GTF2F2: variants seen among roughly 807,000 people sequenced by gnomAD.
GTF2F2 encodes the protein ATP-dependent helicase GTF2F2.
Under a neutral mutation model 42.2 loss-of-function variants are expected in GTF2F2, and 23 were observed. The observed-to-expected ratio is 0.55, with a 90% CI of 0.39 to 0.77. GTF2F2 has a LOEUF of 0.77. Ranked by LOEUF, GTF2F2 falls within the 30% of genes least tolerant of loss-of-function variation. The pLI, the probability that GTF2F2 is intolerant of heterozygous loss-of-function variation, is 0.00. For missense variants in GTF2F2, 261 were observed against 287.2 expected, an observed-to-expected ratio of 0.91 and a Z score of 0.66; for synonymous variants, 105 against 100.8, an observed-to-expected ratio of 1.04 and a Z score of -0.25.
intron 5 of GTF2F2, among the ~76,000 whole-genome samples, chr13:45,235,838 C>T (rs747779334): frequency 1.3e-5 from 2 of 152,090 alleles, no homozygotes; most frequent in Non-Finnish European, 2.9e-5. Flanking sequence ...CTCCTGACCT[C>T]AGGTGATCGG....
At chr13:45,142,503 A>G (rs1869977800) in intron 2 of GTF2F2, among the ~76,000 whole-genome samples, 1 of 152,114 alleles carries the variant, frequency 6.6e-6, no homozygotes, top group Admixed American at 6.6e-5. Context: ...AGTGGTTTTT[A>G]CCTATGCCAA....
At chr13:45,160,018 A>G (rs1025321255) in intron 4 of GTF2F2, among the ~76,000 whole-genome samples, 10 of 152,160 alleles carry the variant, frequency 6.6e-5, no homozygotes, top group African/African-American at 2.4e-4. Context: ...ATGCAGTGGG[A>G]CTTTCTGAGG....
chr13:45,203,900 C>T (rs1326946740), intron 4 of GTF2F2, among the ~76,000 whole-genome samples: 1 of 152,168 alleles, frequency 6.6e-6, no homozygotes, highest in Admixed American at 6.5e-5. Context: ...AGACCAGCAG[C>T]TCTCGAAATG....
intron 7 of GTF2F2, among the ~76,000 whole-genome samples, chr13:45,270,228 C>T (rs915479195): frequency 6.6e-6 from 1 of 152,106 alleles, no homozygotes; most frequent in Non-Finnish European, 1.5e-5. Flanking sequence ...ACATAAGCAA[C>T]TAGAAAGAGT....
chr13:45,188,046 C>T (rs972936180), intron 4 of GTF2F2, among the ~76,000 whole-genome samples: 6 of 152,270 alleles, frequency 3.9e-5, no homozygotes, highest in Middle Eastern at 3.4e-3. Flanking sequence ...GCTCAGATTA[C>T]AGGCACGCAC....
At chr13:45,239,430 G>A (rs374684784) in intron 5 of GTF2F2, among the ~76,000 whole-genome samples, 3 of 152,318 alleles carry the variant, frequency 2.0e-5, no homozygotes, top group South Asian at 4.1e-4. Context: ...GTGATAGTTA[G>A]GCAGTGGATT....
At chr13:45,126,167 A>G (rs1467863704) in intron 1 of GTF2F2, among the ~76,000 whole-genome samples, 1 of 150,348 alleles carries the variant, frequency 6.7e-6, no homozygotes, top group Non-Finnish European at 1.5e-5. Context: ...AGGGCTTTAG[A>G]GGCTAGCAGT....
At chr13:45,234,345 G>A (rs1442702997) in intron 5 of GTF2F2, among the ~76,000 whole-genome samples, 2 of 151,996 alleles carry the variant, frequency 1.3e-5, no homozygotes, top group South Asian at 2.1e-4. Context: ...AGAGCTAGCA[G>A]TGCACATAAA....
At chr13:45,177,088 C>T (rs1871916356) in intron 4 of GTF2F2, among the ~76,000 whole-genome samples, 1 of 152,070 alleles carries the variant, frequency 6.6e-6, no homozygotes, top group Non-Finnish European at 1.5e-5. Context: ...CTGCGCCCAG[C>T]CTGGAATTGT....
chr13:45,183,288 C>G (rs1456433248), intron 4 of GTF2F2, among the ~76,000 whole-genome samples: 1 of 152,104 alleles, frequency 6.6e-6, no homozygotes. Context: ...GACTTAAGCA[C>G]ATTGTTTTCC....
chr13:45,277,193 G>T (rs1877073224), intron 7 of GTF2F2, among the ~76,000 whole-genome samples: 1 of 152,140 alleles, frequency 6.6e-6, no homozygotes, highest in Non-Finnish European at 1.5e-5. Flanking sequence ...TTCTGTATTA[G>T]GCCATTCTTG....
chr13:45,194,348 C>G, intron 4 of GTF2F2: 1 of 1,614,138 alleles, frequency 6.2e-7, no homozygotes, highest in African/African-American at 1.3e-5. Context: ...TAATGACCAT[C>G]AGCATCAAAC....
At chr13:45,212,792 A>G (rs890491631) in intron 5 of GTF2F2, among the ~76,000 whole-genome samples, 4 of 151,882 alleles carry the variant, frequency 2.6e-5, no homozygotes, top group African/African-American at 9.7e-5. Flanking sequence ...CCCAGGCTGG[A>G]GTGCAGTGGT....
chr13:45,135,493 C>T (rs1020373637), intron 1 of GTF2F2, among the ~76,000 whole-genome samples: 1 of 146,340 alleles, frequency 6.8e-6, no homozygotes, highest in Non-Finnish European at 1.5e-5. Flanking sequence ...CTCATGACCT[C>T]GTGATCTGCC....
chr13:45,162,278 A>G (rs1293311088), intron 4 of GTF2F2, among the ~76,000 whole-genome samples: 2 of 152,192 alleles, frequency 1.3e-5, no homozygotes, highest in African/African-American at 4.8e-5. Flanking sequence ...TTCAAGTCCC[A>G]TTCACTTTGG....
chr13:45,121,667 C>T (rs1311284352), intron 1 of GTF2F2, among the ~76,000 whole-genome samples: 1 of 152,200 alleles, frequency 6.6e-6, no homozygotes, highest in African/African-American at 2.4e-5. Flanking sequence ...GTCTTTCCAA[C>T]ACACAGAATC....
At chr13:45,239,535 A>G (rs1023461774) in intron 5 of GTF2F2, among the ~76,000 whole-genome samples, 15 of 152,246 alleles carry the variant, frequency 9.9e-5, no homozygotes, top group Non-Finnish European at 2.2e-4. Context: ...TTAGTCTGTC[A>G]TCTATTTGAC....
In GTF2F2 at chr13:45,128,743, A is replaced by G. The variant is rs146272441; in HGVS notation, c.67-7990A>G. On this transcript the variant is annotated intron_variant, in intron 1 of 7. Transcript: ENST00000340473. ...CAAGTACCTTGGATCACAAGTGTGC[A>G]CTAATATGCCTAGATAATTTTTAAA... is the stretch of plus-strand genomic sequence containing the variant. Among the ~76,000 whole-genome samples, 465 of 152,080 alleles carry G rather than the reference A, an allele frequency of 3.1e-3. 3 individuals are homozygous for G. The highest frequency in any genetic ancestry group is 5.7e-3 in the Non-Finnish European group (386 of 67,994).
intron 7 of GTF2F2, among the ~76,000 whole-genome samples, chr13:45,270,028 C>T (rs1876723115): frequency 6.6e-6 from 1 of 152,126 alleles, no homozygotes; most frequent in South Asian, 2.1e-4. Flanking sequence ...GATGAGGTTT[C>T]ACCATGTTGA....
Sources: allele counts gnomAD v4.1 joint callset (sites outside exome capture counted in the v4.1 genomes callset), GRCh38; gene constraint gnomAD v4.1.1; transcripts MANE v1.5; gene names NCBI Gene and HGNC (gene_info 2026-07-23, HGNC 2026-07-21).